Variants in ARHGAP6 observed in about 807,000 individuals in gnomAD.
The protein encoded by ARHGAP6 is rho GTPase-activating protein 6.
In ARHGAP6, 16 loss-of-function variants were observed where a neutral mutation model predicts 55.7. The ratio of observed to expected loss-of-function variants is 0.29; its 90% CI spans 0.19 to 0.44. The LOEUF (loss-of-function observed/expected upper bound fraction) is 0.44. Ranked by LOEUF, ARHGAP6 falls within the 20% of genes least tolerant of loss-of-function variation. ARHGAP6 has a pLI of 1.00. For missense variants in ARHGAP6, 698 were observed against 808.9 expected, an observed-to-expected ratio of 0.86 and a Z score of 1.66; for synonymous variants, 382 against 360.9, an observed-to-expected ratio of 1.06 and a Z score of -0.66.
intron 1 of ARHGAP6, among the ~76,000 whole-genome samples, chrX:11,392,271 T>C (rs1375903860): frequency 8.9e-6 from 1 of 111,808 alleles, no homozygotes; most frequent in Non-Finnish European, 1.9e-5. Flanking sequence ...GGAAGGCTCT[T>C]TCAGCAGAGT....
chrX:11,230,492 G>A (rs780532022), intron 2 of ARHGAP6, among the ~76,000 whole-genome samples: 283 of 111,175 alleles, frequency 2.5e-3, no homozygotes, highest in Non-Finnish European at 4.1e-3. Context: ...CACCGCGCCC[G>A]GCCAAAAGTT....
chrX:11,283,532 T>A lies in ARHGAP6; in HGVS notation c.589-28825A>T, dbSNP rs149467572. ...AAATCTCAAGAATATGTGAATATGT[T>A]ATGCTACCTGGCAAAGAGGAGTTAA... On this transcript the variant is annotated intron_variant, in intron 1 of 12. Coordinates refer to ENST00000337414, the MANE Select transcript of ARHGAP6 (RefSeq NM_013427.3). Among the ~76,000 whole-genome samples, 197 of 112,646 alleles carry A rather than the reference T, an allele frequency of 1.7e-3. 3 individuals carry two copies. Among genetic ancestry groups the A allele is most frequent in the East Asian group, 0.017 (61 of 3,608 alleles).
intron 1 of ARHGAP6, among the ~76,000 whole-genome samples, chrX:11,449,813 A>G (rs1485062113): frequency 8.9e-6 from 1 of 111,998 alleles, no homozygotes; most frequent in Non-Finnish European, 1.9e-5. Context: ...GGCATCAGTG[A>G]TCATAGGCGC....
intron 1 of ARHGAP6, among the ~76,000 whole-genome samples, chrX:11,458,888 G>A (rs1203022271): frequency 9.0e-6 from 1 of 111,023 alleles, no homozygotes; most frequent in Non-Finnish European, 1.9e-5. Context: ...ATTCTAAGGA[G>A]AAGTAAAAAC....
intron 1 of ARHGAP6, among the ~76,000 whole-genome samples, chrX:11,624,850 C>A (rs1056184394): frequency 8.9e-6 from 1 of 111,736 alleles, no homozygotes; most frequent in Non-Finnish European, 1.9e-5. Context: ...CATGCCTGGC[C>A]AAAGATCTGA....
intron 1 of ARHGAP6, among the ~76,000 whole-genome samples, chrX:11,387,612 T>A (rs2049344996): frequency 8.9e-6 from 1 of 111,895 alleles, no homozygotes. Flanking sequence ...TGCAAGTTTG[T>A]TACATATGTA....
chrX:11,616,493 T>C (rs2052166155), intron 1 of ARHGAP6, among the ~76,000 whole-genome samples: 1 of 110,327 alleles, frequency 9.1e-6, no homozygotes, highest in Admixed American at 9.7e-5. Context: ...GCCCAGCTAA[T>C]TTTTTTGTAT....
intron 2 of ARHGAP6, among the ~76,000 whole-genome samples, chrX:11,201,093 CTA>C (rs1196730441): frequency 5.4e-5 from 6 of 112,021 alleles, no homozygotes; most frequent in Non-Finnish European, 1.1e-4. Context: ...ATGTACATTA[CTA>C]TATATGTTAT....
At chrX:11,167,348 T>C (rs1007530336) in intron 9 of ARHGAP6, among the ~76,000 whole-genome samples, 3 of 110,928 alleles carry the variant, frequency 2.7e-5, no homozygotes, top group Non-Finnish European at 5.7e-5. Flanking sequence ...TGTGTGTGTG[T>C]GTGATGGAGG....
At chrX:11,597,942 A>T (rs183372769) in intron 1 of ARHGAP6, among the ~76,000 whole-genome samples, 5 of 112,337 alleles carry the variant, frequency 4.5e-5, no homozygotes, top group Admixed American at 3.8e-4. Flanking sequence ...AGTAGATGTT[A>T]GATGTTTATT....
intron 1 of ARHGAP6, among the ~76,000 whole-genome samples, chrX:11,374,814 C>T (rs777178464): frequency 8.9e-6 from 1 of 111,911 alleles, no homozygotes; most frequent in South Asian, 3.7e-4. Flanking sequence ...CAATGGTTGA[C>T]TCATCCTTTA....
intron 1 of ARHGAP6, among the ~76,000 whole-genome samples, chrX:11,575,365 C>A (rs2147112581): frequency 8.9e-6 from 1 of 111,797 alleles, no homozygotes; most frequent in East Asian, 2.8e-4. Flanking sequence ...TTTTTTCCAG[C>A]AATTAGCTTC....
At chrX:11,294,840 C>A in intron 1 of ARHGAP6, 1 of 1,211,042 alleles carries the variant, frequency 8.3e-7, no homozygotes, top group Non-Finnish European at 1.1e-6. Context: ...TTTTGCCATG[C>A]CTGTGAGTAA....
At chrX:11,516,902 C>T (rs2050846972) in intron 1 of ARHGAP6, among the ~76,000 whole-genome samples, 1 of 111,662 alleles carries the variant, frequency 9.0e-6, no homozygotes, top group South Asian at 3.8e-4. Context: ...TGTAGGCATT[C>T]TCAGGTTGTA....
rs753639667 is a variant in ARHGAP6 at position 11,208,591 on chromosome X, C to G, written c.749-11595G>C. ...TTGACAGCCTTCCAGGAGATAACCT[C>G]TAAGCCCTTGGAATATCCTGCCTGA... On this transcript the variant is annotated intron_variant, in intron 2 of 12. Coordinates refer to ENST00000337414, the MANE Select transcript of ARHGAP6 (RefSeq NM_013427.3). Among the ~76,000 whole-genome samples the G allele has an allele frequency of 1.2e-4, 14 of 112,431 alleles. No individual in the cohort carries two copies. The East Asian group carries it at 3.9e-3, about 32-fold the overall frequency.
At chrX:11,511,470 T>A (rs1254794306) in intron 1 of ARHGAP6, among the ~76,000 whole-genome samples, 1 of 112,228 alleles carries the variant, frequency 8.9e-6, no homozygotes, top group East Asian at 2.8e-4. Flanking sequence ...GTACAGTGTA[T>A]ACATTCCCCT....
chrX:11,654,650 G>T (rs770946192), intron 1 of ARHGAP6, among the ~76,000 whole-genome samples: 1 of 111,643 alleles, frequency 9.0e-6, no homozygotes, highest in Non-Finnish European at 1.9e-5. Context: ...CTCTGTGCTT[G>T]CTTTCAAAGT....
chrX:11,248,558 A>C (rs1348832509), intron 2 of ARHGAP6, among the ~76,000 whole-genome samples: 3 of 111,919 alleles, frequency 2.7e-5, no homozygotes, highest in Non-Finnish European at 5.6e-5. Context: ...AACAAACTCA[A>C]ACACATTAGC....
intron 1 of ARHGAP6, among the ~76,000 whole-genome samples, chrX:11,609,181 G>C (rs2052072585): frequency 8.9e-6 from 1 of 111,852 alleles, no homozygotes; most frequent in Non-Finnish European, 1.9e-5. Context: ...TCTTAAATTT[G>C]GGTTCCACCA....
Sources: gnomAD v4.1 joint callset for allele counts (sites outside exome capture counted in the v4.1 genomes callset) on GRCh38, gnomAD v4.1.1 for gene constraint, MANE v1.5 for transcripts, NCBI Gene and HGNC (gene_info 2026-07-23, HGNC 2026-07-21) for gene names.